The following GTF3C4 variants were observed in gnomAD, a reference collection of about 807,000 sequenced individuals.
GTF3C4 encodes general transcription factor IIIC subunit 4.
GTF3C4 carries 28 observed loss-of-function variants against 67.5 expected under a neutral mutation model. That is an observed-to-expected ratio of 0.41 (90% CI 0.31 to 0.57). The LOEUF is 0.57. Among genes scored for constraint, GTF3C4 ranks in the 20% least tolerant of loss-of-function variants. The probability of loss-of-function intolerance (pLI) is 0.21; values close to 1 mark genes in which losing one functional copy is unlikely to be tolerated. For synonymous variants in GTF3C4, 409 were observed against 393.0 expected (o/e 1.04, Z -0.48); for missense variants, 831 against 1,033.2 (o/e 0.80, Z 2.68).
At chr9:132,675,942 A>AG (rs1451952198) in intron 1 of GTF3C4, among the ~76,000 whole-genome samples, 1 of 108,698 alleles carries the variant, frequency 9.2e-6, no homozygotes, top group Non-Finnish European at 1.7e-5. Flanking sequence ...TCTGTTGCCC[A>AG]GGCTGGAGTG....
rs1835695018 is a variant in GTF3C4 at position 132,670,526 on chromosome 9, C to T, written c.-73C>T. 3 of 1,175,878 alleles carry T rather than the reference C, an allele frequency of 2.6e-6. No individual in the cohort carries two copies. The highest frequency in any genetic ancestry group is 1.6e-5 in the African/African-American group (1 of 62,280). 72.8% of individuals were successfully genotyped at this position (1,175,878 alleles called of 1,614,324 possible). ...CCGCCGCGGAGGGCGCTGGGGGTGGCGGCGGCGGTCCGGGAGGTGGTCGCG... is the reference window on the plus strand; with the variant it reads ...CCGCCGCGGAGGGCGCTGGGGGTGGTGGCGGCGGTCCGGGAGGTGGTCGCG... On this transcript the variant is annotated 5_prime_UTR_variant, in exon 1 of 5. Coordinates refer to ENST00000372146, the MANE Select transcript of GTF3C4 (RefSeq NM_012204.4).
At chr9:132,687,358 G>A in intron 4 of GTF3C4, 31 bp downstream of exon 4, 4 of 547,250 alleles carry the variant, frequency 7.3e-6, no homozygotes, top group South Asian at 1.4e-5. Context: ...GGGAGGGTGG[G>A]TGGGTGGAAC....
Position 132,678,001 on chromosome 9 carries a change from G to A in GTF3C4, c.382G>A (p.Glu128Lys). 1 of 1,603,096 alleles carries A rather than the reference G, an allele frequency of 6.2e-7. No homozygotes were observed. The highest frequency in any genetic ancestry group is 8.5e-7 in the Non-Finnish European group (1 of 1,175,584). Residue 128 changes from glutamate (E) to lysine (K), a missense_variant, in exon 2 of 5, where the codon GAG (glutamate) becomes AAG (lysine). Glu to Lys is a moderately conservative substitution (Grantham distance 56, BLOSUM62 1). Around this residue, in one of 4 missense-constraint regions of GTF3C4, gnomAD observed 237 missense variants for 212.7 expected, o/e 1.11. Transcript: ENST00000372146. This position sits in a 1 kb window ranked among gnomAD's most constrained non-coding sequence, Gnocchi z 6.5. ...GGTTGGCTCAAAAACAGAAGTTGCTGAGTGCAAGGAGAAATTCGCCGCCTC... is the reference window on the plus strand; with the variant it reads ...GGTTGGCTCAAAAACAGAAGTTGCTAAGTGCAAGGAGAAATTCGCCGCCTC... ...LKVGSKTEVA[E>K]CKEKFAASKD...
chr9:132,675,206 G>A (rs543454070), intron 1 of GTF3C4, among the ~76,000 whole-genome samples: 1 of 152,256 alleles, frequency 6.6e-6, no homozygotes, highest in African/African-American at 2.4e-5. Context: ...AGCAATTTGC[G>A]CACACAGAGC....
chr9:132,673,355 CT>C (rs1253701514), intron 1 of GTF3C4, among the ~76,000 whole-genome samples: 2 of 151,998 alleles, frequency 1.3e-5, no homozygotes, highest in African/African-American at 4.8e-5. Flanking sequence ...ATATAGCTCT[CT>C]TATAGTTGAC....
chr9:132,684,269 G>T (rs1023705397), intron 3 of GTF3C4, among the ~76,000 whole-genome samples: 3 of 152,042 alleles, frequency 2.0e-5, no homozygotes, highest in Non-Finnish European at 2.9e-5. Flanking sequence ...CTAAGTCTAG[G>T]CTTATATATC....
At chr9:132,682,297 A>G (rs1476937853) in intron 2 of GTF3C4, among the ~76,000 whole-genome samples, 2 of 152,212 alleles carry the variant, frequency 1.3e-5, no homozygotes, top group Non-Finnish European at 2.9e-5. Context: ...TTAAATTTGT[A>G]GAGGATATAC....
In GTF3C4 at chr9:132,670,727, C is replaced by T. The variant is rs930094690; in HGVS notation, c.129C>T (p.Pro43=). ...CAGCAGCGGACGCGGCCCCGGGGCC[C>T]AGCGCTGCATTCCGCCTCATGGTGA... The part of the protein sequence containing the change: ...KEPAADAAPG[P]SAAFRLMVTR... The change falls in exon 1 of 5, where the codon CCC becomes CCT. Residue 43 remains proline, a synonymous_variant. Coordinates refer to ENST00000372146, the MANE Select transcript of GTF3C4 (RefSeq NM_012204.4). The T allele has an allele frequency of 1.3e-6, 2 of 1,535,896 alleles. No homozygotes were observed. The highest frequency in any genetic ancestry group is 1.4e-5 in the African/African-American group (1 of 72,398).
chr9:132,688,832 C>G (rs1411644343), intron 4 of GTF3C4, 49 bp from the exon 5 acceptor site: 1 of 1,374,842 alleles, frequency 7.3e-7, no homozygotes, highest in East Asian at 2.3e-5. Flanking sequence ...TCCCTTTTGA[C>G]TGTCTTTTCC....
intron 3 of GTF3C4, among the ~76,000 whole-genome samples, chr9:132,683,979 C>G (rs114599016): frequency 6.6e-6 from 1 of 152,202 alleles, no homozygotes; most frequent in Middle Eastern, 3.2e-3. Flanking sequence ...CCTAGCCTCA[C>G]TCTAAGACCT....
At chr9:132,687,446 T>C (rs958736844) in intron 4 of GTF3C4, 119 bp downstream of exon 4, 1 of 408,454 alleles carries the variant, frequency 2.4e-6, no homozygotes, top group Non-Finnish European at 4.7e-6. Flanking sequence ...TTGTCGGGGG[T>C]GGGGGGTGGG....
At position 132,691,298 on chromosome 9, in the gene GTF3C4, T is replaced by G. The variant is rs966277902; in HGVS notation, c.*2353T>G. The G allele has an allele frequency of 6.6e-6, 1 of 152,214 alleles. No individual in the cohort carries two copies. The highest frequency in any genetic ancestry group is 1.5e-5 in the Non-Finnish European group (1 of 68,052). The allele number at this position is 152,214 out of a possible 1,614,324, so 9.4% of individuals were successfully genotyped here. On this transcript the variant is annotated 3_prime_UTR_variant, in exon 5 of 5. Coordinates refer to ENST00000372146, the MANE Select transcript of GTF3C4 (RefSeq NM_012204.4). ...GGTCAGCATACCTCATGGGAGTGTG[T>G]TGCTCAGTGCAACCTTGGAAAAGTG...
chr9:132,692,725 G>A lies in GTF3C4; in HGVS notation c.*3780G>A, dbSNP rs1414891619. 1.3e-5 allele frequency: 2 copies of A among 152,126 alleles called. No homozygotes were observed. The highest frequency in any genetic ancestry group is 2.9e-5 in the Non-Finnish European group (2 of 68,012). 9.4% of individuals were successfully genotyped at this position (152,126 alleles called of 1,614,324 possible). A position where few individuals can be genotyped will look rare whatever the true frequency, so the allele number is the denominator to read the frequency against. ...TGAGACTGGGGAGTGTCTCAAGAAT[G>A]GAACCTTTGCCTTCAAGGTTGGGTC... On this transcript the variant is annotated 3_prime_UTR_variant, in exon 5 of 5. Transcript: ENST00000372146.
intron 1 of GTF3C4, among the ~76,000 whole-genome samples, chr9:132,675,339 G>A (rs1005018830): frequency 2.0e-5 from 3 of 151,976 alleles, no homozygotes; most frequent in Non-Finnish European, 2.9e-5. Context: ...GAAAGCACCG[G>A]GCTTTGATTA....
At position 132,678,813 on chromosome 9, in the gene GTF3C4, T is replaced by C. The variant is rs759572718; in HGVS notation, c.1194T>C (p.Tyr398=). 12 of 1,614,086 alleles carry C rather than the reference T, an allele frequency of 7.4e-6. No individual in the cohort carries two copies. The highest frequency in any genetic ancestry group is 2.2e-5 in the East Asian group (1 of 44,898). ...CSLVVAARGS[Y]VFWCLLLISK... The stretch of plus-strand genomic sequence containing the variant: ...TAGTAGTGGCTGCAAGAGGCTCTTA[T>C]GTATTTTGGTGTCTTCTTCTGATCT... The change falls in exon 2 of 5, where the codon TAT becomes TAC. Residue 398 remains tyrosine (Y), a synonymous_variant. Coordinates refer to ENST00000372146, the MANE Select transcript of GTF3C4 (RefSeq NM_012204.4). The surrounding 1 kb of genome is among the most constrained non-coding windows in gnomAD (Gnocchi z 6.5).
At chr9:132,687,360 G>A (rs771725474) in intron 4 of GTF3C4, 33 bp downstream of exon 4, 2 of 521,128 alleles carry the variant, frequency 3.8e-6, no homozygotes, top group Non-Finnish European at 7.8e-6. Context: ...GAGGGTGGGT[G>A]GGTGGAACAT....
rs1835867212 is a variant in GTF3C4 at position 132,676,509 on chromosome 9, TG to T, written c.358-1464del. 4.6e-5 allele frequency among the ~76,000 whole-genome samples: 7 copies of T among 151,952 alleles called. No individual in the cohort carries two copies. The South Asian group carries it at 1.2e-3, about 27-fold the overall frequency. On this transcript the variant is annotated intron_variant, in intron 1 of 4. Transcript: ENST00000372146. The stretch of plus-strand genomic sequence containing the variant: ...AATTTTTTGCTATTTTTAGTAGAGA[TG>T]GGGCCTCACTATGTTGCCCAGGCTG...
In GTF3C4 at chr9:132,677,995, G is replaced by A. The variant is rs147937684; in HGVS notation, c.376G>A (p.Val126Ile). The part of the protein sequence containing the change: ...CLLKVGSKTE[V>I]AECKEKFAAS... Reference sequence around the variant, plus strand: ...TTTTCAGGTTGGCTCAAAAACAGAAGTTGCTGAGTGCAAGGAGAAATTCGC... The same window carrying A: ...TTTTCAGGTTGGCTCAAAAACAGAAATTGCTGAGTGCAAGGAGAAATTCGC... Residue 126 changes from valine to isoleucine, a missense_variant, in exon 2 of 5, where the codon GTT becomes ATT. By Grantham distance (29) the Val-to-Ile change is conservative (BLOSUM62 3). This residue lies in a region of GTF3C4 where 237 missense variants were observed against 212.7 expected (regional missense o/e 1.11). Transcript: ENST00000372146. 6.2e-7 allele frequency: 1 copy of A among 1,600,752 alleles called. No homozygotes were observed. Among genetic ancestry groups the A allele is most frequent in the African/African-American group, 1.3e-5 (1 of 74,328 alleles).
rs186051114 is a variant in GTF3C4, at chr9:132,681,267, T to G, written c.2184+1464T>G. ...ACTAGAGGTTGGATTTGTAATGATT[T>G]AGAATAATTGTCCAGATACTCCATG... On this transcript the variant is annotated intron_variant, in intron 2 of 4. Coordinates refer to ENST00000372146, the MANE Select transcript of GTF3C4 (RefSeq NM_012204.4). Among the ~76,000 whole-genome samples, 5 of 152,304 alleles carry G rather than the reference T, an allele frequency of 3.3e-5. No individual in the cohort carries two copies. In the East Asian group the frequency reaches 9.6e-4, roughly 29 times the overall value.
Sources: gnomAD v4.1 joint callset for allele counts (sites outside exome capture counted in the v4.1 genomes callset) on GRCh38, gnomAD v4.1.1 for gene constraint, gnomAD v4.1.1 regional missense constraint, Gnocchi (gnomAD v3.1) non-coding constraint, MANE v1.5 for transcripts, NCBI Gene and HGNC (gene_info 2026-07-23, HGNC 2026-07-21) for gene names.